The following PDE4D variants were observed in gnomAD, a reference collection of about 807,000 sequenced individuals.
PDE4D encodes phosphodiesterase 4D, also known as 3',5'-cyclic-AMP phosphodiesterase 4D.
PDE4D carries 24 observed loss-of-function variants against 87.4 expected under a neutral mutation model. The ratio of observed to expected loss-of-function variants is 0.27; its 90% confidence interval spans 0.20 to 0.39. PDE4D has a LOEUF of 0.39. Among genes scored for constraint, PDE4D ranks in the 10% least tolerant of loss-of-function variants. The pLI is 1.00. For missense variants in PDE4D, 714 were observed against 1,041.0 expected, an observed-to-expected ratio of 0.69 and a Z score of 4.32; for synonymous variants, 384 against 383.2, an observed-to-expected ratio of 1.00 and a Z score of -0.02.
intron 1 of PDE4D, among the ~76,000 whole-genome samples, chr5:60,417,097 A>G (rs1742668677): frequency 6.6e-6 from 1 of 152,270 alleles, no homozygotes; most frequent in Non-Finnish European, 1.5e-5. Flanking sequence ...TCATGGTAAT[A>G]GCCACAATGG....
chr5:59,237,586 C>T (rs988965701), intron 1 of PDE4D, among the ~76,000 whole-genome samples: 2 of 152,110 alleles, frequency 1.3e-5, no homozygotes, highest in Non-Finnish European at 2.9e-5. Context: ...TCAGCAAATG[C>T]ATATTAAGTG....
chr5:60,239,894 C>G (rs565001287), intron 1 of PDE4D, among the ~76,000 whole-genome samples: 15 of 152,144 alleles, frequency 9.9e-5, no homozygotes, highest in African/African-American at 3.1e-4. Context: ...TTAGGTTTCT[C>G]TCTTTTCTAT....
At chr5:60,413,659 G>A (rs185983923) in intron 1 of PDE4D, among the ~76,000 whole-genome samples, 7 of 152,004 alleles carry the variant, frequency 4.6e-5, no homozygotes, top group Admixed American at 4.6e-4. Flanking sequence ...AGAATGCCAT[G>A]GATGTAAGAG....
chr5:59,173,932 TA>T (rs1258795146), intron 5 of PDE4D, among the ~76,000 whole-genome samples: 13 of 152,284 alleles, frequency 8.5e-5, no homozygotes, highest in Admixed American at 3.9e-4. Context: ...TATTTCTTTT[TA>T]AAAAACTATA....
intron 1 of PDE4D, among the ~76,000 whole-genome samples, chr5:60,291,740 C>T (rs892824835): frequency 3.3e-5 from 5 of 151,896 alleles, no homozygotes; most frequent in Non-Finnish European, 7.4e-5. Context: ...GACAAGCATA[C>T]TTGTATAGAA....
At chr5:59,179,381 C>T (rs753312359) in intron 5 of PDE4D, among the ~76,000 whole-genome samples, 6 of 152,254 alleles carry the variant, frequency 3.9e-5, no homozygotes, top group South Asian at 2.1e-4. Flanking sequence ...AGATTACAAG[C>T]GTGAGCCACC....
At chr5:59,157,440 T>C (rs1780419449) in intron 5 of PDE4D, 1 of 692,002 alleles carries the variant, frequency 1.4e-6, no homozygotes, top group African/African-American at 1.8e-5. Context: ...GGGATAAGAG[T>C]TACTATTGTA....
chr5:59,474,878 G>T (rs1680459863), intron 1 of PDE4D, among the ~76,000 whole-genome samples: 1 of 152,042 alleles, frequency 6.6e-6, no homozygotes, highest in South Asian at 2.1e-4. Flanking sequence ...CTAAGGGTTT[G>T]ACTTAATTAC....
At chr5:59,764,450 T>C (rs939585555) in intron 1 of PDE4D, among the ~76,000 whole-genome samples, 1 of 152,132 alleles carries the variant, frequency 6.6e-6, no homozygotes, top group Non-Finnish European at 1.5e-5. Context: ...AATTACTAAA[T>C]GCAAAGTAAG....
rs1028105562 is a variant in PDE4D, at chr5:60,249,220, T to A, written c.-89-63533A>T. ...TAGGGAGAAACTGACCACAGCTTAATGGCTTGTGAATGCAACCACTGCAAC... is the reference window on the plus strand; with the variant it reads ...TAGGGAGAAACTGACCACAGCTTAAAGGCTTGTGAATGCAACCACTGCAAC... On this transcript the variant is annotated intron_variant, in intron 1 of 16. Coordinates refer to the PDE4D transcript ENST00000502484. 2.0e-5 allele frequency among the ~76,000 whole-genome samples: 3 copies of A among 152,032 alleles called. No individual in the cohort carries two copies. The East Asian group carries it at 5.8e-4, about 30-fold the overall frequency.
intron 5 of PDE4D, among the ~76,000 whole-genome samples, chr5:59,102,673 G>T (rs906763597): frequency 1.3e-5 from 2 of 152,220 alleles, no homozygotes; most frequent in African/African-American, 2.4e-5. Context: ...CTCAAAGGGG[G>T]TTCCCCATCC....
At chr5:59,953,957 C>T (rs750736835) in intron 3 of PDE4D, among the ~76,000 whole-genome samples, 1 of 152,156 alleles carries the variant, frequency 6.6e-6, no homozygotes, top group African/African-American at 2.4e-5. Flanking sequence ...CAGAGTTTTG[C>T]TCTTGTTGCC....
At chr5:60,432,092 A>AGG (rs764374333) in intron 1 of PDE4D, among the ~76,000 whole-genome samples, 4,134 of 143,124 alleles carry the variant, frequency 0.029, 88 homozygotes, top group Middle Eastern at 0.08. Flanking sequence ...CCGTGGGGAG[A>AGG]AGGAGAGGGA....
intron 1 of PDE4D, among the ~76,000 whole-genome samples, chr5:59,409,452 C>T (rs1792279628): frequency 6.6e-6 from 1 of 152,056 alleles, no homozygotes; most frequent in South Asian, 2.1e-4. Context: ...GGATGTAATC[C>T]CCAGTGTTGG....
chr5:59,563,314 T>C (rs1321080131), intron 1 of PDE4D, among the ~76,000 whole-genome samples: 1 of 152,342 alleles, frequency 6.6e-6, no homozygotes, highest in East Asian at 1.9e-4. Flanking sequence ...TAACCCAGGG[T>C]TGAAGCAGCA....
At chr5:59,953,232 T>C (rs1257993509) in intron 3 of PDE4D, among the ~76,000 whole-genome samples, 5 of 152,164 alleles carry the variant, frequency 3.3e-5, no homozygotes, top group African/African-American at 1.2e-4. Flanking sequence ...TTCATGTTTA[T>C]GTGAGAAAAG....
chr5:60,435,477 T>C lies in PDE4D; in HGVS notation c.-90+52465A>G, dbSNP rs935202900. 8.5e-5 allele frequency among the ~76,000 whole-genome samples: 13 copies of C among 152,100 alleles called. No homozygotes were observed. The South Asian group carries it at 1.7e-3, about 19-fold the overall frequency. ...CCTAACAAAAAGTTTAGGTTTACAT[T>C]TGGAAGCTTTATGACAATTGGTGTT... On this transcript the variant is annotated intron_variant, in intron 1 of 16. Transcript: ENST00000502484.
At chr5:59,884,408 AATG>A (rs1252424299) in intron 1 of PDE4D, among the ~76,000 whole-genome samples, 1 of 151,924 alleles carries the variant, frequency 6.6e-6, no homozygotes, top group Admixed American at 6.6e-5. Flanking sequence ...CACACTGGTA[AATG>A]ATACCATATT....
rs528638008 is a variant in PDE4D at position 60,242,208 on chromosome 5, A to T, written c.-89-56521T>A. On this transcript the variant is annotated intron_variant, in intron 1 of 16. Transcript: ENST00000502484. ...ATACTTAGACAAAATAGACTTCAAC[A>T]CAAAAACTGTAAGAAAAGAAAAAGA... Among the ~76,000 whole-genome samples, 100 of 152,262 alleles carry T rather than the reference A, an allele frequency of 6.6e-4. 1 individual carries two copies. The highest frequency in any genetic ancestry group is 6.8e-4 in the Non-Finnish European group (46 of 68,004).
Sources: allele counts gnomAD v4.1 joint callset (sites outside exome capture counted in the v4.1 genomes callset), GRCh38; gene constraint gnomAD v4.1.1; transcripts MANE v1.5; gene names NCBI Gene and HGNC (gene_info 2026-07-23, HGNC 2026-07-21).